Variants in PDE4D observed in about 807,000 individuals in gnomAD.
PDE4D encodes the protein 3',5'-cyclic-AMP phosphodiesterase 4D.
Under a neutral mutation model 87.4 loss-of-function variants are expected in PDE4D, and 24 were observed. The observed-to-expected ratio is 0.27, with a 90% CI of 0.20 to 0.39. PDE4D has a LOEUF of 0.39. Among genes scored for constraint, PDE4D ranks in the 10% least tolerant of loss-of-function variants. PDE4D has a pLI of 1.00. For missense variants in PDE4D, 714 were observed against 1,041.0 expected (o/e 0.69, Z 4.32); for synonymous variants, 384 against 383.2 (o/e 1.00, Z -0.02).
chr5:59,497,235 T>G (rs1182240151), intron 1 of PDE4D, among the ~76,000 whole-genome samples: 2 of 152,072 alleles, frequency 1.3e-5, no homozygotes, highest in Non-Finnish European at 2.9e-5. Flanking sequence ...GCATCAGCTC[T>G]CTCAGATGAG....
At chr5:60,305,958 A>G (rs1345866782) in intron 1 of PDE4D, among the ~76,000 whole-genome samples, 1 of 152,064 alleles carries the variant, frequency 6.6e-6, no homozygotes. Context: ...CATATGAGTA[A>G]ATTCAATTAA....
At chr5:60,400,752 T>C (rs1163467902) in intron 1 of PDE4D, among the ~76,000 whole-genome samples, 1 of 151,232 alleles carries the variant, frequency 6.6e-6, no homozygotes, top group African/African-American at 2.4e-5. Flanking sequence ...ACCAACATGG[T>C]GAAACTCCAT....
chr5:59,281,028 T>C (rs1765707630), intron 1 of PDE4D, among the ~76,000 whole-genome samples: 1 of 152,146 alleles, frequency 6.6e-6, no homozygotes, highest in South Asian at 2.1e-4. Flanking sequence ...ACTCTTTGCT[T>C]AGTATCCCAA....
intron 1 of PDE4D, among the ~76,000 whole-genome samples, chr5:59,788,126 C>CTT (rs1285292603): frequency 6.6e-6 from 1 of 151,970 alleles, no homozygotes; most frequent in African/African-American, 2.4e-5. Context: ...TGGTGTATCT[C>CTT]TATAAGATAG....
intron 6 of PDE4D, among the ~76,000 whole-genome samples, chr5:59,016,223 A>G (rs1753936337): frequency 6.6e-6 from 1 of 152,098 alleles, no homozygotes; most frequent in African/African-American, 2.4e-5. Flanking sequence ...ACATGTATAC[A>G]TATGTAACAA....
intron 1 of PDE4D, among the ~76,000 whole-genome samples, chr5:60,250,256 G>T (rs1299552015): frequency 6.6e-6 from 1 of 151,616 alleles, no homozygotes; most frequent in African/African-American, 2.4e-5. Context: ...TTTAATATTT[G>T]AAAATTCATT....
At chr5:60,084,379 C>T (rs528716806) in intron 2 of PDE4D, among the ~76,000 whole-genome samples, 123 of 147,072 alleles carry the variant, frequency 8.4e-4, no homozygotes, top group Non-Finnish European at 1.5e-3. Flanking sequence ...AGTGATTCTT[C>T]GCATCTTAAC....
chr5:59,360,790 G>T (rs1417497532), intron 1 of PDE4D, among the ~76,000 whole-genome samples: 1 of 152,082 alleles, frequency 6.6e-6, no homozygotes, highest in African/African-American at 2.4e-5. Flanking sequence ...CTTGGCAACA[G>T]TAAAACATTA....
At chr5:60,463,784 T>C (rs1360872376) in intron 1 of PDE4D, among the ~76,000 whole-genome samples, 3 of 152,148 alleles carry the variant, frequency 2.0e-5, no homozygotes, top group East Asian at 3.9e-4. Context: ...CAAACAGCTG[T>C]CCTTTCCTGC....
chr5:60,224,002 CA>C (rs2149604223), intron 1 of PDE4D, among the ~76,000 whole-genome samples: 1 of 152,152 alleles, frequency 6.6e-6, no homozygotes, highest in African/African-American at 2.4e-5. Flanking sequence ...GGGTGGCTAG[CA>C]AGGCTGCAGT....
chr5:59,620,509 T>C (rs1045338582), intron 1 of PDE4D, among the ~76,000 whole-genome samples: 1 of 152,136 alleles, frequency 6.6e-6, no homozygotes, highest in African/African-American at 2.4e-5. Context: ...TTCTGGCTGA[T>C]GACAAAGTTC....
chr5:59,377,862 G>A (rs1784992153), intron 1 of PDE4D, among the ~76,000 whole-genome samples: 1 of 152,114 alleles, frequency 6.6e-6, no homozygotes, highest in Admixed American at 6.5e-5. Flanking sequence ...AATTGTAGAA[G>A]ACAGTGTGGC....
chr5:60,394,219 C>T (rs540654349), intron 1 of PDE4D, among the ~76,000 whole-genome samples: 3 of 152,270 alleles, frequency 2.0e-5, no homozygotes, highest in South Asian at 4.1e-4. Context: ...CTAACACATA[C>T]AAAGAATTTT....
intron 1 of PDE4D, among the ~76,000 whole-genome samples, chr5:59,544,053 G>C (rs1816827237): frequency 1.3e-5 from 2 of 152,272 alleles, no homozygotes; most frequent in Non-Finnish European, 2.9e-5. Context: ...TCACAGGCCT[G>C]TGGCAACAAA....
At chr5:60,504,630 A>G (rs916793292) in intron 1 of PDE4D, among the ~76,000 whole-genome samples, 1 of 152,214 alleles carries the variant, frequency 6.6e-6, no homozygotes, top group African/African-American at 2.4e-5. Context: ...GTTGAAGTTG[A>G]TTGACTTCAG....
chr5:59,205,237 T>G (rs574410433), intron 2 of PDE4D, among the ~76,000 whole-genome samples: 1 of 152,254 alleles, frequency 6.6e-6, no homozygotes, highest in Admixed American at 6.5e-5. Context: ...CTTTGGAAAA[T>G]TCTTTTATTC....
intron 1 of PDE4D, among the ~76,000 whole-genome samples, chr5:59,315,999 C>T (rs138102555): frequency 9.2e-5 from 14 of 152,260 alleles, no homozygotes; most frequent in Non-Finnish European, 1.9e-4. Flanking sequence ...TTGGTCCCTT[C>T]CAAATGTACT....
At chr5:59,207,896 G>T (rs1749164938) in intron 2 of PDE4D, among the ~76,000 whole-genome samples, 1 of 151,380 alleles carries the variant, frequency 6.6e-6, no homozygotes, top group Non-Finnish European at 1.5e-5. Flanking sequence ...AGTGAGTTCA[G>T]TCTGTAATCC....
intron 1 of PDE4D, among the ~76,000 whole-genome samples, chr5:59,668,790 G>A (rs1003195800): frequency 2.2e-5 from 3 of 136,998 alleles, no homozygotes; most frequent in African/African-American, 8.6e-5. Context: ...AGAAGAAGAA[G>A]AAAGAAGAAG....
Sources: allele counts gnomAD v4.1 joint callset (sites outside exome capture counted in the v4.1 genomes callset), GRCh38; gene constraint gnomAD v4.1.1; transcripts MANE v1.5; gene names NCBI Gene and HGNC (gene_info 2026-07-23, HGNC 2026-07-21).